Variants in KCND3 observed in about 807,000 individuals in gnomAD.
KCND3 encodes A-type voltage-gated potassium channel KCND3.
Under a neutral mutation model 51.1 loss-of-function variants are expected in KCND3, and 9 were observed. That is an observed-to-expected ratio of 0.18 (90% CI 0.11 to 0.31). KCND3 has a LOEUF of 0.31. Among genes scored for constraint, KCND3 ranks in the 10% least tolerant of loss-of-function variants. KCND3 has a pLI of 1.00. For missense variants in KCND3, 526 were observed against 903.8 expected, an observed-to-expected ratio of 0.58 and a Z score of 5.36; for synonymous variants, 349 against 368.0, an observed-to-expected ratio of 0.95 and a Z score of 0.59.
At chr1:111,778,824 T>G (rs1664249283) in intron 5 of KCND3, among the ~76,000 whole-genome samples, 1 of 152,166 alleles carries the variant, frequency 6.6e-6, no homozygotes, top group Admixed American at 6.5e-5. Context: ...CAATCCAACA[T>G]TCTTTCCCTC....
intron 2 of KCND3, among the ~76,000 whole-genome samples, chr1:111,801,330 G>A (rs1462844903): frequency 2.6e-5 from 4 of 152,214 alleles, no homozygotes; most frequent in South Asian, 2.1e-4. Context: ...CCCAAAAATA[G>A]CACAGCTAGA....
chr1:111,933,264 T>C (rs1255085296), intron 2 of KCND3, among the ~76,000 whole-genome samples: 1 of 152,172 alleles, frequency 6.6e-6, no homozygotes, highest in Non-Finnish European at 1.5e-5. Context: ...TCTTTATAAA[T>C]TACCCAGTCT....
intron 2 of KCND3, among the ~76,000 whole-genome samples, chr1:111,862,542 C>T (rs551428320): frequency 4.5e-4 from 68 of 152,354 alleles, no homozygotes; most frequent in African/African-American, 1.5e-3. Context: ...AAGGGATCTG[C>T]TCTCTTGTGG....
At chr1:111,942,045 G>T (rs923675800) in intron 2 of KCND3, among the ~76,000 whole-genome samples, 1 of 152,128 alleles carries the variant, frequency 6.6e-6, no homozygotes, top group African/African-American at 2.4e-5. Context: ...TGGAGTATAA[G>T]AGAAAAATAC....
intron 2 of KCND3, among the ~76,000 whole-genome samples, chr1:111,956,513 G>C (rs936877421): frequency 1.3e-5 from 2 of 152,076 alleles, no homozygotes; most frequent in Non-Finnish European, 2.9e-5. Flanking sequence ...GGAGGGTCTG[G>C]GCTGTGAGCT....
At chr1:111,849,849 T>A (rs553309517) in intron 2 of KCND3, among the ~76,000 whole-genome samples, 24 of 152,250 alleles carry the variant, frequency 1.6e-4, no homozygotes, top group Non-Finnish European at 3.2e-4. Context: ...CCTTCTCTGA[T>A]CCCTTTATGC....
chr1:111,779,199 C>T (rs1238680662), intron 5 of KCND3, among the ~76,000 whole-genome samples: 1 of 152,102 alleles, frequency 6.6e-6, no homozygotes, highest in East Asian at 1.9e-4. Flanking sequence ...GTGGTCTGTA[C>T]CTGTAGTTCC....
intron 2 of KCND3, among the ~76,000 whole-genome samples, chr1:111,819,232 T>G (rs1305016458): frequency 6.6e-6 from 1 of 152,004 alleles, no homozygotes; most frequent in African/African-American, 2.4e-5. Context: ...AGCCTGGGAG[T>G]GTGGGACTGC....
At chr1:111,824,348 C>T (rs988347721) in intron 2 of KCND3, among the ~76,000 whole-genome samples, 1 of 152,128 alleles carries the variant, frequency 6.6e-6, no homozygotes. Context: ...CCCTTTATGT[C>T]CCAGATGCCC....
chr1:111,817,291 G>A (rs1285643628), intron 2 of KCND3, among the ~76,000 whole-genome samples: 1 of 152,122 alleles, frequency 6.6e-6, no homozygotes, highest in Non-Finnish European at 1.5e-5. Context: ...TCCTGGTGGG[G>A]ATGCATTGAG....
At chr1:111,826,451 T>A (rs1666575345) in intron 2 of KCND3, among the ~76,000 whole-genome samples, 1 of 152,156 alleles carries the variant, frequency 6.6e-6, no homozygotes, top group Non-Finnish European at 1.5e-5. Context: ...AACTTTCAGG[T>A]CTAGGACACG....
At position 111,974,975 on chromosome 1, in the gene KCND3, G is replaced by A. The variant is rs368720773; in HGVS notation, c.1106+6646C>T. Among the ~76,000 whole-genome samples the A allele has an allele frequency of 3.9e-5, 6 of 152,340 alleles. No individual in the cohort carries two copies. The South Asian group carries it at 1.0e-3, about 26-fold the overall frequency. On this transcript the variant is annotated intron_variant, in intron 2 of 7. Transcript: ENST00000302127. ...CCAAAAGGCTCAAATCCTATGGTGT[G>A]AATTAATCTTTCCCTTCTCTGCAGC...
intron 2 of KCND3, among the ~76,000 whole-genome samples, chr1:111,881,342 T>C (rs1381607772): frequency 6.6e-6 from 1 of 151,704 alleles, no homozygotes; most frequent in African/African-American, 2.4e-5. Context: ...AAAAAGTGCC[T>C]TTTGTGCTTT....
chr1:111,899,797 A>G (rs948491345), intron 2 of KCND3, among the ~76,000 whole-genome samples: 1 of 152,138 alleles, frequency 6.6e-6, no homozygotes, highest in South Asian at 2.1e-4. Flanking sequence ...ACCTGGGTAT[A>G]TGTGTGTGTG....
At chr1:111,858,155 C>T (rs146499869) in intron 2 of KCND3, among the ~76,000 whole-genome samples, 3 of 152,166 alleles carry the variant, frequency 2.0e-5, no homozygotes, top group Non-Finnish European at 2.9e-5. Context: ...CCTTCTCACC[C>T]GTGCCCACCA....
At chr1:111,989,353 C>G (rs1675503932) in intron 1 of KCND3, among the ~76,000 whole-genome samples, 152 bp downstream of exon 1, 1 of 152,090 alleles carries the variant, frequency 6.6e-6, no homozygotes, top group Non-Finnish European at 1.5e-5. Flanking sequence ...CCCCACGGCA[C>G]GGGCCCCACC....
At chr1:111,940,841 CTCCACCT>C in intron 2 of KCND3, among the ~76,000 whole-genome samples, 1 of 152,322 alleles carries the variant, frequency 6.6e-6, no homozygotes, top group South Asian at 2.1e-4. Flanking sequence ...ATCTCTCCCC[CTCCACCT>C]TCCACCCCAC....
intron 2 of KCND3, among the ~76,000 whole-genome samples, chr1:111,969,353 T>C (rs964550538): frequency 6.6e-6 from 1 of 152,166 alleles, no homozygotes; most frequent in Non-Finnish European, 1.5e-5. Flanking sequence ...TCCTCTCCTA[T>C]GCTCAAGTCA....
chr1:111,929,102 T>A (rs1557725261), intron 2 of KCND3, among the ~76,000 whole-genome samples: 1 of 152,216 alleles, frequency 6.6e-6, no homozygotes, highest in African/African-American at 2.4e-5. Context: ...GCACCTGGTG[T>A]AATAATTCCA....
Sources: allele counts gnomAD v4.1 joint callset (sites outside exome capture counted in the v4.1 genomes callset), GRCh38; gene constraint gnomAD v4.1.1; transcripts MANE v1.5; gene names NCBI Gene and HGNC (gene_info 2026-07-23, HGNC 2026-07-21).